The following CRYZL1 variants were observed in gnomAD, a reference collection of about 807,000 sequenced individuals.
CRYZL1 encodes the protein ferry endosomal RAB5 effector complex subunit 4.
Under a neutral mutation model 50.6 loss-of-function variants are expected in CRYZL1, and 34 were observed. That is an observed-to-expected ratio of 0.67 (90% CI 0.51 to 0.89). The LOEUF is 0.89. Ranked by LOEUF, CRYZL1 falls within the 40% of genes least tolerant of loss-of-function variation. CRYZL1 has a pLI of 0.00. For missense variants in CRYZL1, 354 were observed against 402.3 expected, an observed-to-expected ratio of 0.88 and a Z score of 1.03; for synonymous variants, 125 against 134.3, an observed-to-expected ratio of 0.93 and a Z score of 0.48.
intron 9 of CRYZL1, among the ~76,000 whole-genome samples, chr21:33,598,551 TAG>T (rs1212376834): frequency 1.3e-5 from 2 of 152,202 alleles, no homozygotes; most frequent in African/African-American, 4.8e-5. Context: ...ATTTTCCAAA[TAG>T]AGACTGCAGA....
At chr21:33,636,255 G>A (rs1462432931) in intron 1 of CRYZL1, among the ~76,000 whole-genome samples, 1 of 151,904 alleles carries the variant, frequency 6.6e-6, no homozygotes, top group Non-Finnish European at 1.5e-5. Flanking sequence ...AAATAAATAA[G>A]CCTGGCGTAG....
intron 8 of CRYZL1, among the ~76,000 whole-genome samples, chr21:33,600,212 T>C (rs1601328446): frequency 6.6e-6 from 1 of 152,014 alleles, no homozygotes; most frequent in African/African-American, 2.4e-5. Context: ...CTCCCTCTCT[T>C]CCCCACTTAC....
chr21:33,618,193 G>A (rs2086956555), intron 4 of CRYZL1, among the ~76,000 whole-genome samples: 1 of 151,690 alleles, frequency 6.6e-6, no homozygotes, highest in African/African-American at 2.4e-5. Flanking sequence ...GGAGGCTGAG[G>A]CGGGAGGATA....
chr21:33,624,012 T>C (rs1439896933), intron 3 of CRYZL1, among the ~76,000 whole-genome samples: 2 of 152,100 alleles, frequency 1.3e-5, no homozygotes, highest in Non-Finnish European at 2.9e-5. Context: ...ACTGATTAGG[T>C]TTCTAGTTTC....
At chr21:33,628,779 T>A (rs185329158) in intron 2 of CRYZL1, among the ~76,000 whole-genome samples, 2,640 of 148,286 alleles carry the variant, frequency 0.018, 32 homozygotes, top group Middle Eastern at 0.05. Flanking sequence ...CTCAAAAAAA[T>A]TTTTTTTTTT....
intron 11 of CRYZL1, among the ~76,000 whole-genome samples, chr21:33,592,008 C>T (rs1019304108): frequency 6.6e-6 from 1 of 151,504 alleles, no homozygotes; most frequent in Admixed American, 6.6e-5. Context: ...TTGCATATAA[C>T]CGAGGCACAT....
chr21:33,614,309 A>T (rs1354186856), intron 5 of CRYZL1, among the ~76,000 whole-genome samples: 1 of 151,916 alleles, frequency 6.6e-6, no homozygotes, highest in Non-Finnish European at 1.5e-5. Context: ...ACATAGTGAG[A>T]CCTCATCTCT....
At chr21:33,595,536 A>G (rs2086685011) in intron 11 of CRYZL1, 195 bp downstream of exon 11, 1 of 1,265,920 alleles carries the variant, frequency 7.9e-7, no homozygotes, top group African/African-American at 1.5e-5. Flanking sequence ...CACCTGTGAA[A>G]TGGGGATGAT....
At chr21:33,634,488 C>G (rs927783163) in intron 1 of CRYZL1, among the ~76,000 whole-genome samples, 2 of 152,142 alleles carry the variant, frequency 1.3e-5, no homozygotes. Context: ...GACACTCACT[C>G]CATTTGTTCC....
intron 7 of CRYZL1, among the ~76,000 whole-genome samples, chr21:33,602,855 C>A (rs544014746): frequency 6.6e-6 from 1 of 152,130 alleles, no homozygotes; most frequent in Admixed American, 6.6e-5. Flanking sequence ...CAAAGAAAAG[C>A]AGGAAGAAAG....
intron 4 of CRYZL1, among the ~76,000 whole-genome samples, chr21:33,619,046 A>AG (rs887776696): frequency 1.3e-5 from 2 of 152,136 alleles, no homozygotes; most frequent in Non-Finnish European, 2.9e-5. Context: ...AGATATTGCC[A>AG]GTGAGATGTC....
chr21:33,597,492 T>C (rs2086707418), intron 9 of CRYZL1, 91 bp from the exon 10 acceptor site: 3 of 1,050,584 alleles, frequency 2.9e-6, no homozygotes, highest in Non-Finnish European at 4.2e-6. Context: ...CAAGTTCTTA[T>C]TTATTTAGAG....
intron 1 of CRYZL1, among the ~76,000 whole-genome samples, chr21:33,632,526 C>T (rs1054527962): frequency 4.5e-4 from 69 of 151,698 alleles, no homozygotes; most frequent in Non-Finnish European, 7.7e-4. Flanking sequence ...TACAGGCACG[C>T]GCCACCATGC....
chr21:33,633,902 A>G (rs182985572), intron 1 of CRYZL1, among the ~76,000 whole-genome samples: 2 of 152,240 alleles, frequency 1.3e-5, no homozygotes, highest in Admixed American at 6.5e-5. Flanking sequence ...TGCATAGGCC[A>G]TATGTCCATA....
chr21:33,632,618 TC>T (rs1309099882), intron 1 of CRYZL1, among the ~76,000 whole-genome samples: 1 of 152,082 alleles, frequency 6.6e-6, no homozygotes, highest in African/African-American at 2.4e-5. Flanking sequence ...TCTCAGGTGA[TC>T]CACCCGCCTC....
intron 9 of CRYZL1, among the ~76,000 whole-genome samples, chr21:33,597,660 T>C (rs2086709606): frequency 6.6e-6 from 1 of 152,290 alleles, no homozygotes; most frequent in Middle Eastern, 3.4e-3. Context: ...TCGCCCAGGC[T>C]GGAGTGCAGT....
chr21:33,604,396 G>A (rs2086789958), intron 6 of CRYZL1, among the ~76,000 whole-genome samples: 1 of 147,482 alleles, frequency 6.8e-6, no homozygotes, highest in African/African-American at 2.5e-5. Flanking sequence ...AGGCGTGGTG[G>A]CAGGCGCCTT....
chr21:33,620,343 G>A (rs1447486180), intron 4 of CRYZL1, among the ~76,000 whole-genome samples: 1 of 152,016 alleles, frequency 6.6e-6, no homozygotes, highest in African/African-American at 2.4e-5. Context: ...CCTGATATAA[G>A]GCTTACTGTT....
chr21:33,634,901 ATAT>A (rs1307594188), intron 1 of CRYZL1, among the ~76,000 whole-genome samples: 197 of 150,176 alleles, frequency 1.3e-3, no homozygotes, highest in Middle Eastern at 7.0e-3. Context: ...ATATATATAT[ATAT>A]AAAATAATGG....
Sources: gnomAD v4.1 joint callset for allele counts (sites outside exome capture counted in the v4.1 genomes callset) on GRCh38, gnomAD v4.1.1 for gene constraint, MANE v1.5 for transcripts, NCBI Gene and HGNC (gene_info 2026-07-23, HGNC 2026-07-21) for gene names.